Variants in SEMA5A observed in about 807,000 individuals in gnomAD.
SEMA5A encodes the protein semaphorin-5A.
Under a neutral mutation model 135.5 loss-of-function variants are expected in SEMA5A, and 55 were observed. That is an observed-to-expected ratio of 0.41 (90% CI 0.33 to 0.51). SEMA5A has a LOEUF of 0.51. Among genes scored for constraint, SEMA5A ranks in the 20% least tolerant of loss-of-function variants. The pLI is 0.37. For missense variants in SEMA5A, 1,290 were observed against 1,419.9 expected, an observed-to-expected ratio of 0.91 and a Z score of 1.47; for synonymous variants, 580 against 546.5, an observed-to-expected ratio of 1.06 and a Z score of -0.85.
intron 2 of SEMA5A, among the ~76,000 whole-genome samples, chr5:9,407,976 C>T (rs1756952817): frequency 7.7e-6 from 1 of 129,922 alleles, no homozygotes; most frequent in African/African-American, 3.0e-5. Flanking sequence ...CCACTATTGC[C>T]ACCATCACTA....
At chr5:9,350,233 T>C (rs922603307) in intron 3 of SEMA5A, among the ~76,000 whole-genome samples, 8 of 152,216 alleles carry the variant, frequency 5.3e-5, no homozygotes, top group Admixed American at 2.0e-4. Flanking sequence ...ATTTACCAAA[T>C]ATACTGATGA....
chr5:9,446,551 C>T (rs540625048), intron 1 of SEMA5A, among the ~76,000 whole-genome samples: 1 of 152,226 alleles, frequency 6.6e-6, no homozygotes, highest in Non-Finnish European at 1.5e-5. Context: ...TTTGCAAGGA[C>T]AGCCGGCCTC....
rs1736009455 is a variant in SEMA5A, at chr5:9,042,395, G to C, written c.*502C>G. On this transcript the variant is annotated 3_prime_UTR_variant, in exon 23 of 23. Coordinates refer to ENST00000382496, the MANE Select transcript of SEMA5A (RefSeq NM_003966.3). ...TCCAAGAATCCCACAGCTTTATCCA[G>C]ATTTGGAAAGTTGGGCAATCCATGG... The C allele has an allele frequency of 1.3e-5, 2 of 156,926 alleles. No individual in the cohort carries two copies. The highest frequency in any genetic ancestry group is 3.9e-4 in the South Asian group (2 of 5,156). 9.7% of individuals were successfully genotyped at this position (156,926 alleles called of 1,614,324 possible). A position where few individuals can be genotyped will look rare whatever the true frequency, so the allele number is the denominator to read the frequency against.
chr5:9,246,252 G>T (rs1748476255), intron 5 of SEMA5A, among the ~76,000 whole-genome samples: 1 of 152,078 alleles, frequency 6.6e-6, no homozygotes. Context: ...CTGGAGGGAT[G>T]GCTATTTTTA....
At chr5:9,389,895 C>T (rs183032271) in intron 2 of SEMA5A, among the ~76,000 whole-genome samples, 54 of 152,268 alleles carry the variant, frequency 3.5e-4, no homozygotes, top group African/African-American at 1.1e-3. Context: ...GTATCTGCCT[C>T]CTTCTAAAAC....
intron 15 of SEMA5A, among the ~76,000 whole-genome samples, chr5:9,110,953 A>C (rs1358797127): frequency 6.6e-6 from 1 of 152,226 alleles, no homozygotes; most frequent in Non-Finnish European, 1.5e-5. Flanking sequence ...AGACAAGACA[A>C]ATTTGAGAAT....
In SEMA5A at chr5:9,446,017, G is replaced by A. The variant is rs113097651; in HGVS notation, c.-174-8165C>T. ...CATCAGACAGTAGTCACTGTGAATGGAATGATCTAGAAATATTAAACATAG... is the reference window on the plus strand; with the variant it reads ...CATCAGACAGTAGTCACTGTGAATGAAATGATCTAGAAATATTAAACATAG... On this transcript the variant is annotated intron_variant, in intron 1 of 22. Transcript: ENST00000382496. Among the ~76,000 whole-genome samples the A allele has an allele frequency of 1.4e-3, 209 of 152,312 alleles. 2 individuals are homozygous for A. Among genetic ancestry groups the A allele is most frequent in the African/African-American group, 4.0e-3 (168 of 41,566 alleles).
intron 5 of SEMA5A, among the ~76,000 whole-genome samples, chr5:9,317,848 G>A (rs1752458891): frequency 6.6e-6 from 1 of 152,148 alleles, no homozygotes; most frequent in East Asian, 1.9e-4. Flanking sequence ...CTTCATTTAA[G>A]TACAAGATCT....
intron 2 of SEMA5A, among the ~76,000 whole-genome samples, chr5:9,384,189 G>A (rs1163373581): frequency 1.3e-5 from 2 of 152,024 alleles, no homozygotes. Context: ...ACCATGGAAG[G>A]CTAACTCCTT....
rs199817743 is a variant in SEMA5A at position 9,066,501 on chromosome 5, G to T, written c.2219C>A (p.Pro740Gln). The change falls in exon 17 of 23, where the codon CCG becomes CAG. Residue 740 changes from proline (P) to glutamine (Q), a missense_variant. Physicochemically the swap from Pro to Gln is moderately conservative, Grantham distance 76. Coordinates refer to ENST00000382496, the MANE Select transcript of SEMA5A (RefSeq NM_003966.3). ...CTGTCTTCCCACTTCCAGCAAATTC[G>T]GATCAGCCAGGCGGGCTTTGCATGT... ...RYTCKARLAD[P>Q]NLLEVGRQRI... 90 of 1,614,118 alleles carry T rather than the reference G, an allele frequency of 5.6e-5. No homozygotes were observed. The highest frequency in any genetic ancestry group is 7.2e-5 in the Non-Finnish European group (85 of 1,180,030).
chr5:9,104,298 C>T (rs2150147755), intron 16 of SEMA5A, among the ~76,000 whole-genome samples: 1 of 152,274 alleles, frequency 6.6e-6, no homozygotes. Context: ...TAGTGCAGTG[C>T]ATGGCATGTA....
intron 1 of SEMA5A, chr5:9,519,872 T>G (rs1736725724): frequency 6.6e-6 from 1 of 152,226 alleles, no homozygotes; most frequent in South Asian, 2.1e-4. Flanking sequence ...TTCAATGAAC[T>G]CTGACATATT....
intron 2 of SEMA5A, among the ~76,000 whole-genome samples, chr5:9,411,622 A>G (rs1757110740): frequency 6.6e-6 from 1 of 152,182 alleles, no homozygotes; most frequent in Non-Finnish European, 1.5e-5. Flanking sequence ...ATGAGTTACC[A>G]ATGAGGAAGG....
intron 13 of SEMA5A, among the ~76,000 whole-genome samples, chr5:9,131,819 T>C (rs983600270): frequency 2.6e-5 from 4 of 151,826 alleles, no homozygotes; most frequent in African/African-American, 9.7e-5. Flanking sequence ...GGAGTGAACA[T>C]GCAGACTATA....
rs139428123 is a variant in SEMA5A, at chr5:9,282,394, G to A, written c.270+35978C>T. Among the ~76,000 whole-genome samples the A allele has an allele frequency of 3.1e-4, 47 of 152,174 alleles. 1 individual carries two copies. The East Asian group carries it at 5.2e-3, about 17-fold the overall frequency. On this transcript the variant is annotated intron_variant, in intron 5 of 22. Transcript: ENST00000382496. ...GTATGGGCCACATATTTGTCTCTGC[G>A]GTTTTCAGTAATGAAAGAGAAGAGG...
At chr5:9,224,956 A>T (rs913977990) in intron 7 of SEMA5A, 69 bp from the exon 8 acceptor site, 89 of 1,403,366 alleles carry the variant, frequency 6.3e-5, no homozygotes, top group Non-Finnish European at 8.1e-5. Flanking sequence ...TTATGGTCAC[A>T]CCCACCATCA....
At chr5:9,432,034 CAG>C (rs1266922674) in intron 2 of SEMA5A, among the ~76,000 whole-genome samples, 1 of 152,138 alleles carries the variant, frequency 6.6e-6, no homozygotes, top group South Asian at 2.1e-4. Flanking sequence ...CAGCAGAGAA[CAG>C]AGAGAGAGGC....
chr5:9,531,488 T>A (rs865986400), intron 1 of SEMA5A, among the ~76,000 whole-genome samples: 2 of 152,274 alleles, frequency 1.3e-5, no homozygotes, highest in Middle Eastern at 3.4e-3. Context: ...CCCCAGCAAG[T>A]GAGGAAGCTC....
intron 15 of SEMA5A, among the ~76,000 whole-genome samples, chr5:9,112,524 A>G (rs561849415): frequency 6.6e-6 from 1 of 152,340 alleles, no homozygotes; most frequent in East Asian, 1.9e-4. Flanking sequence ...GGGAAACTGC[A>G]CGTACATTAA....
Sources: allele counts gnomAD v4.1 joint callset (sites outside exome capture counted in the v4.1 genomes callset), GRCh38; gene constraint gnomAD v4.1.1; transcripts MANE v1.5; gene names NCBI Gene and HGNC (gene_info 2026-07-23, HGNC 2026-07-21).